The following ADAM12 variants were observed in gnomAD, a reference collection of about 807,000 sequenced individuals.
ADAM12 encodes the protein ADAM metallopeptidase domain 12, also known as disintegrin and metalloproteinase domain-containing protein 12.
Under a neutral mutation model 106.4 loss-of-function variants are expected in ADAM12, and 70 were observed. That is an observed-to-expected ratio of 0.66 (90% CI 0.54 to 0.80). The LOEUF is 0.80. ADAM12 is among the 30% of genes least tolerant of loss of function. The probability of loss-of-function intolerance (pLI) is 0.00; values close to 1 mark genes in which losing one functional copy is unlikely to be tolerated. For synonymous variants in ADAM12, 420 were observed against 433.5 expected, an observed-to-expected ratio of 0.97 and a Z score of 0.39; for missense variants, 1,010 against 1,171.9, an observed-to-expected ratio of 0.86 and a Z score of 2.02.
chr10:126,309,898 C>T (rs138659785), intron 2 of ADAM12, among the ~76,000 whole-genome samples: 18 of 152,218 alleles, frequency 1.2e-4, no homozygotes, highest in African/African-American at 4.1e-4. Context: ...GTGGCTCACG[C>T]AGGTAATCCC....
In ADAM12 at chr10:126,016,562, C is replaced by T. The variant is rs1291392662; in HGVS notation, c.*717G>A. ...CTTGAGTGACACTACAGACCCCTTC[C>T]AAACATGCTCACGGCTGGTCAGCTC... is the stretch of plus-strand genomic sequence containing the variant. On this transcript the variant is annotated 3_prime_UTR_variant, in exon 23 of 23. Transcript: ENST00000448723. 6.6e-6 allele frequency: 1 copy of T among 152,290 alleles called. No homozygotes were observed. Among genetic ancestry groups the T allele is most frequent in the African/African-American group, 2.4e-5 (1 of 41,436 alleles). The allele number at this position is 152,290 out of a possible 1,614,324, so 9.4% of individuals were successfully genotyped here.
At chr10:126,107,471 C>G (rs775469736) in intron 8 of ADAM12, among the ~76,000 whole-genome samples, 4 of 152,188 alleles carry the variant, frequency 2.6e-5, no homozygotes, top group Non-Finnish European at 5.9e-5. Flanking sequence ...TCTGAAAGGA[C>G]CTTTGCCTTC....
chr10:126,045,370 C>G (rs1017150472), intron 17 of ADAM12, among the ~76,000 whole-genome samples: 11 of 152,178 alleles, frequency 7.2e-5, no homozygotes, highest in African/African-American at 2.7e-4. Flanking sequence ...CCCCCTCCCC[C>G]CATGCACCCG....
chr10:126,122,130 A>C (rs373279418), intron 5 of ADAM12, among the ~76,000 whole-genome samples: 3 of 152,348 alleles, frequency 2.0e-5, no homozygotes, highest in East Asian at 3.9e-4. Flanking sequence ...TGTGGTTTGG[A>C]GCAACTAAAA....
chr10:126,239,599 T>C (rs2133647545), intron 3 of ADAM12, among the ~76,000 whole-genome samples: 1 of 152,282 alleles, frequency 6.6e-6, no homozygotes, highest in South Asian at 2.1e-4. Flanking sequence ...GACATTTATT[T>C]AGGTCGTTAT....
In ADAM12 at chr10:126,014,913, G is replaced by T. The variant is rs1044780095; in HGVS notation, c.*2366C>A. On this transcript the variant is annotated 3_prime_UTR_variant, in exon 23 of 23. Coordinates refer to ENST00000448723, the MANE Select transcript of ADAM12 (RefSeq NM_001288973.2). ...GATATAAAAAAGAATACTCCACCCC[G>T]TGCCTCCCCCAACCACAAAACACCC... 6.6e-6 allele frequency: 1 copy of T among 151,652 alleles called. No homozygotes were observed. The highest frequency in any genetic ancestry group is 1.5e-5 in the Non-Finnish European group (1 of 67,972). 9.4% of individuals were successfully genotyped at this position (151,652 alleles called of 1,614,324 possible). A position where few individuals can be genotyped will look rare whatever the true frequency, so the allele number is the denominator to read the frequency against.
chr10:126,322,173 T>C (rs1178683621), intron 2 of ADAM12, among the ~76,000 whole-genome samples: 4 of 152,214 alleles, frequency 2.6e-5, no homozygotes, highest in Non-Finnish European at 5.9e-5. Context: ...TATTGGAACA[T>C]AGCCATGCTC....
chr10:126,266,124 C>T (rs1959091966), intron 3 of ADAM12, among the ~76,000 whole-genome samples: 1 of 152,152 alleles, frequency 6.6e-6, no homozygotes, highest in South Asian at 2.1e-4. Flanking sequence ...ATGCACCTCA[C>T]CTAATCTGTA....
At chr10:126,363,501 T>C (rs1855806991) in intron 1 of ADAM12, among the ~76,000 whole-genome samples, 1 of 152,170 alleles carries the variant, frequency 6.6e-6, no homozygotes, top group African/African-American at 2.4e-5. Flanking sequence ...GGGTGGGATA[T>C]GGCTTTTCCA....
chr10:126,027,555 G>C (rs1265751524), intron 21 of ADAM12, among the ~76,000 whole-genome samples: 1 of 152,158 alleles, frequency 6.6e-6, no homozygotes, highest in Non-Finnish European at 1.5e-5. Flanking sequence ...ATGCAAGGTT[G>C]GTTCGGGATA....
chr10:126,041,373 A>G (rs1954164030), intron 18 of ADAM12: 1 of 985,806 alleles, frequency 1.0e-6, no homozygotes, highest in African/African-American at 1.7e-5. Flanking sequence ...TTTATGCAGT[A>G]ATGGCCACGG....
At chr10:126,173,921 A>G (rs1232414285) in intron 3 of ADAM12, among the ~76,000 whole-genome samples, 2 of 151,960 alleles carry the variant, frequency 1.3e-5, no homozygotes, top group African/African-American at 4.8e-5. Flanking sequence ...AAATAATTTC[A>G]AACTTACAGA....
At chr10:126,311,496 C>T (rs181893601) in intron 2 of ADAM12, among the ~76,000 whole-genome samples, 294 of 152,080 alleles carry the variant, frequency 1.9e-3, no homozygotes, top group African/African-American at 6.9e-3. Flanking sequence ...GTGACAGGAA[C>T]GTCTTTTGTT....
chr10:126,236,860 C>T (rs1477130345), intron 3 of ADAM12, among the ~76,000 whole-genome samples: 1 of 152,154 alleles, frequency 6.6e-6, no homozygotes, highest in Admixed American at 6.5e-5. Flanking sequence ...AGCCAAGGGG[C>T]AGGGCCGCCT....
chr10:126,174,658 C>G (rs914924073), intron 3 of ADAM12, among the ~76,000 whole-genome samples: 1 of 152,116 alleles, frequency 6.6e-6, no homozygotes, highest in Non-Finnish European at 1.5e-5. Context: ...GTGCCCTTTA[C>G]CCTATACTCA....
chr10:126,269,104 C>T (rs1381128810), intron 3 of ADAM12, among the ~76,000 whole-genome samples: 1 of 152,162 alleles, frequency 6.6e-6, no homozygotes, highest in African/African-American at 2.4e-5. Context: ...AGGGTAACTT[C>T]CTGACGTTGC....
intron 21 of ADAM12, among the ~76,000 whole-genome samples, chr10:126,028,240 G>A (rs1953912820): frequency 6.6e-6 from 1 of 152,142 alleles, no homozygotes; most frequent in Non-Finnish European, 1.5e-5. Flanking sequence ...ATATGAAAAT[G>A]GCCATACTGC....
In ADAM12 at chr10:126,218,965, A is replaced by G. The variant is rs529474369; in HGVS notation, c.260+59950T>C. Among the ~76,000 whole-genome samples, 18 of 152,298 alleles carry G rather than the reference A, an allele frequency of 1.2e-4. 1 individual carries two copies. The South Asian group carries it at 3.7e-3, about 32-fold the overall frequency. ...TGACCTCGTGCTTGATGCTTTACAG[A>G]CATCACGTTGAAGCCTCCCAGGCCT... On this transcript the variant is annotated intron_variant, in intron 3 of 22. Coordinates refer to ENST00000448723, the MANE Select transcript of ADAM12 (RefSeq NM_001288973.2).
chr10:126,303,453 G>A (rs1201766345), intron 2 of ADAM12, among the ~76,000 whole-genome samples: 1 of 152,206 alleles, frequency 6.6e-6, no homozygotes, highest in Non-Finnish European at 1.5e-5. Flanking sequence ...AGCCTGTACA[G>A]GGATCCCAGT....
Sources: allele counts gnomAD v4.1 joint callset (sites outside exome capture counted in the v4.1 genomes callset), GRCh38; gene constraint gnomAD v4.1.1; transcripts MANE v1.5; gene names NCBI Gene and HGNC (gene_info 2026-07-23, HGNC 2026-07-21).